Variants in DNAH8 observed in about 807,000 individuals in gnomAD.
The protein encoded by DNAH8 is dynein axonemal heavy chain 8, also known as axonemal beta dynein heavy chain 8.
Under a neutral mutation model 562.1 loss-of-function variants are expected in DNAH8, and 382 were observed. The ratio of observed to expected loss-of-function variants is 0.68; its 90% CI spans 0.63 to 0.74. The LOEUF (loss-of-function observed/expected upper bound fraction) is 0.74. DNAH8 is among the 30% of genes least tolerant of loss of function. The pLI, the probability that DNAH8 is intolerant of heterozygous loss-of-function variation, is 0.00. For missense variants in DNAH8, 5,203 were observed against 5,620.4 expected, an observed-to-expected ratio of 0.93 and a Z score of 2.37; for synonymous variants, 1,881 against 1,919.4, an observed-to-expected ratio of 0.98 and a Z score of 0.52.
At chr6:38,929,217 C>T (rs1169577654) in intron 74 of DNAH8, 3 of 219,546 alleles carry the variant, frequency 1.4e-5, no homozygotes, top group African/African-American at 6.8e-5. Context: ...TAATCCTTGA[C>T]TATTCTCTTC....
intron 41 of DNAH8, 142 bp from the exon 42 acceptor site, chr6:38,857,376 A>T (rs2150400668): frequency 3.2e-6 from 2 of 619,732 alleles, no homozygotes; most frequent in East Asian, 5.5e-5. Context: ...TTAAAACTTT[A>T]ACTGTTTCCC....
intron 62 of DNAH8, among the ~76,000 whole-genome samples, chr6:38,906,050 C>T (rs1273467753): frequency 6.6e-6 from 1 of 151,854 alleles, no homozygotes; most frequent in African/African-American, 2.4e-5. Flanking sequence ...GGATTATAGG[C>T]ACACACCACA....
chr6:38,903,618 T>C (rs1780231366), intron 62 of DNAH8, among the ~76,000 whole-genome samples: 1 of 147,624 alleles, frequency 6.8e-6, no homozygotes, highest in Non-Finnish European at 1.5e-5. Context: ...CTTCCTTTTT[T>C]TTTTTTTTTT....
At position 38,734,283 on chromosome 6, in the gene DNAH8, CA is replaced by C. The variant is rs55678363; in HGVS notation, c.611-176del. 0.22 allele frequency among the ~76,000 whole-genome samples: 26,988 copies of C among 121,582 alleles called. 3,242 individuals carry two copies. The highest frequency in any genetic ancestry group is 0.31 in the Middle Eastern group (71 of 228). 79.8% of individuals were successfully genotyped at this position (121,582 alleles called of 152,430 possible). On this transcript the variant is annotated intron_variant, in intron 4 of 92. Transcript: ENST00000327475. ...TGGGCAACAGAGCAAGACTCTGTCT[CA>C]AAAAAAAAAAAAAAGATGTAATTAT...
At chr6:39,008,398 A>T (rs115254898) in intron 88 of DNAH8, among the ~76,000 whole-genome samples, 1 of 152,136 alleles carries the variant, frequency 6.6e-6, no homozygotes, top group East Asian at 1.9e-4. Flanking sequence ...GTGAGGAAAT[A>T]TGAATGTTCC....
chr6:39,002,102 A>G lies in DNAH8; in HGVS notation c.13215-6712A>G, dbSNP rs531499337. Among the ~76,000 whole-genome samples the G allele has an allele frequency of 1.9e-3, 294 of 152,282 alleles. 2 individuals carry two copies. Among genetic ancestry groups the G allele is most frequent in the African/African-American group, 6.8e-3 (283 of 41,556 alleles). On this transcript the variant is annotated intron_variant, in intron 88 of 92. Transcript: ENST00000327475. ...GAGAACTAAAATAATAAGGTTTTGG[A>G]TTTGTTTGGTACAGGAAACAAAGAG...
chr6:38,830,478 CA>C, intron 30 of DNAH8, among the ~76,000 whole-genome samples: 1 of 151,446 alleles, frequency 6.6e-6, no homozygotes, highest in East Asian at 1.9e-4. Context: ...ACTAAAATTA[CA>C]AAAAAATCAG....
chr6:38,810,114 A>G (rs996266530), intron 24 of DNAH8, among the ~76,000 whole-genome samples: 2 of 152,176 alleles, frequency 1.3e-5, no homozygotes, highest in Non-Finnish European at 2.9e-5. Context: ...GATTTTTGAT[A>G]TAGTTGCACT....
chr6:38,982,622 G>A (rs1415137183), intron 86 of DNAH8, among the ~76,000 whole-genome samples, 160 bp downstream of exon 86: 1 of 152,182 alleles, frequency 6.6e-6, no homozygotes, highest in African/African-American at 2.4e-5. Flanking sequence ...GGGGCAGCCT[G>A]TCCCTGCCCC....
chr6:38,922,414 A>G (rs577213364), intron 71 of DNAH8, among the ~76,000 whole-genome samples: 2 of 152,302 alleles, frequency 1.3e-5, no homozygotes, highest in African/African-American at 2.4e-5. Context: ...ACCCCATCGC[A>G]TACTATTTCC....
At chr6:39,012,827 T>C (rs150854698) in intron 91 of DNAH8, among the ~76,000 whole-genome samples, 190 bp downstream of exon 91, 50 of 152,352 alleles carry the variant, frequency 3.3e-4, no homozygotes, top group African/African-American at 1.2e-3. Flanking sequence ...TCTGAAGCTC[T>C]TCCTATCAAT....
At chr6:38,892,942 C>G (rs1231487968) in intron 58 of DNAH8, among the ~76,000 whole-genome samples, 2 of 152,216 alleles carry the variant, frequency 1.3e-5, no homozygotes, top group East Asian at 3.8e-4. Context: ...CAATCATCCT[C>G]TAAAGTGACT....
intron 38 of DNAH8, 120 bp downstream of exon 38, chr6:38,850,534 T>G: frequency 1.2e-6 from 1 of 867,372 alleles, no homozygotes; most frequent in African/African-American, 1.7e-5. Context: ...GCTAGGAACT[T>G]AAAATTTCAC....
At chr6:38,803,074 T>G in intron 21 of DNAH8, 105 bp from the exon 22 acceptor site, 2 of 800,620 alleles carry the variant, frequency 2.5e-6, no homozygotes, top group Non-Finnish European at 3.7e-6. Context: ...GCTTTTTTTT[T>G]CAAGTGAAGT....
intron 1 of DNAH8, among the ~76,000 whole-genome samples, chr6:38,720,555 A>G (rs1310126990): frequency 6.6e-6 from 1 of 152,234 alleles, no homozygotes; most frequent in Non-Finnish European, 1.5e-5. Context: ...TCAGTGACCT[A>G]GTGAAAAACA....
chr6:38,753,824 T>C (rs1174430956), intron 9 of DNAH8, among the ~76,000 whole-genome samples: 1 of 152,198 alleles, frequency 6.6e-6, no homozygotes, highest in African/African-American at 2.4e-5. Context: ...TTTGTTGTTG[T>C]TGAGCTTTTT....
At chr6:38,923,279 T>C in intron 72 of DNAH8, 94 bp downstream of exon 72, 1 of 1,455,920 alleles carries the variant, frequency 6.9e-7, no homozygotes, top group Non-Finnish European at 9.3e-7. Flanking sequence ...AATCCCATCA[T>C]CTATGACAGT....
In DNAH8 at chr6:38,912,368, G is replaced by C. The variant is rs535717106; in HGVS notation, c.9859+782G>C. 1.9e-4 allele frequency among the ~76,000 whole-genome samples: 29 copies of C among 152,276 alleles called. No individual in the cohort carries two copies. The South Asian group carries it at 5.0e-3, about 26-fold the overall frequency. Reference sequence around the variant, plus strand: ...TAGACCAAGCTACTTGGGAGGCTGAGGTGGGAGGATCACTTGAGCCCTGGA... The same window carrying C: ...TAGACCAAGCTACTTGGGAGGCTGACGTGGGAGGATCACTTGAGCCCTGGA... On this transcript the variant is annotated intron_variant, in intron 66 of 92. Coordinates refer to ENST00000327475, the MANE Select transcript of DNAH8 (RefSeq NM_001206927.2).
chr6:38,743,012 T>TGTTGTGC lies in DNAH8; in HGVS notation c.1293+1125_1293+1126insGTTGTGC, dbSNP rs547311874. ...AAAAAAATGTTGTTGTTGTGCTTTT[T>TGTTGTGC]TTTTTTTTTTTTTTTTTTTTTTAAA... On this transcript the variant is annotated intron_variant, in intron 8 of 92. Coordinates refer to ENST00000327475, the MANE Select transcript of DNAH8 (RefSeq NM_001206927.2). Among the ~76,000 whole-genome samples, 4 of 124,474 alleles carry TGTTGTGC rather than the reference T, an allele frequency of 3.2e-5. No homozygotes were observed. The Admixed American group carries it at 3.3e-4, about 10-fold the overall frequency. 81.7% of individuals were successfully genotyped at this position (124,474 alleles called of 152,430 possible).
Sources: gnomAD v4.1 joint callset for allele counts (sites outside exome capture counted in the v4.1 genomes callset) on GRCh38, gnomAD v4.1.1 for gene constraint, MANE v1.5 for transcripts, NCBI Gene and HGNC (gene_info 2026-07-23, HGNC 2026-07-21) for gene names.